ERC2: variants seen among roughly 807,000 people sequenced by gnomAD.
ERC2 encodes the protein ERC protein 2.
A neutral mutation model predicts 114.8 loss-of-function variants in ERC2; 42 were observed. The ratio of observed to expected loss-of-function variants is 0.37; its 90% CI spans 0.29 to 0.47. ERC2 has a LOEUF of 0.47. Ranked by LOEUF, ERC2 falls within the 20% of genes least tolerant of loss-of-function variation. ERC2 has a pLI of 0.99. For synonymous variants in ERC2, 454 were observed against 425.5 expected (o/e 1.07, Z -0.82); for missense variants, 939 against 1,150.7 (o/e 0.82, Z 2.66).
intron 12 of ERC2, among the ~76,000 whole-genome samples, chr3:55,952,178 CACTCTCTCTCTCTCTCTCTCTATA>C (rs1329147690): frequency 2.4e-5 from 1 of 41,722 alleles, no homozygotes; most frequent in African/African-American, 6.8e-5. Flanking sequence ...CACACACACA[CACTCTCTCTCTCTCTCTCTCTATA>C]TATATATATA....
chr3:55,895,790 A>G (rs1045891778), intron 13 of ERC2, among the ~76,000 whole-genome samples: 4 of 152,182 alleles, frequency 2.6e-5, no homozygotes, highest in African/African-American at 9.6e-5. Context: ...GATGAAGTGT[A>G]AGTCCAAACT....
chr3:55,899,149 G>C (rs936502810), intron 13 of ERC2, among the ~76,000 whole-genome samples: 2 of 152,168 alleles, frequency 1.3e-5, no homozygotes, highest in African/African-American at 2.4e-5. Flanking sequence ...GTTGTCCAAT[G>C]GTGATGTTCA....
At chr3:56,450,663 C>T (rs1449773901) in intron 1 of ERC2, among the ~76,000 whole-genome samples, 1 of 151,924 alleles carries the variant, frequency 6.6e-6, no homozygotes, top group African/African-American at 2.4e-5. Context: ...CCCATCTCTA[C>T]AAAAAATTCA....
At chr3:55,514,661 C>A (rs1371408873) in intron 17 of ERC2, among the ~76,000 whole-genome samples, 2 of 152,134 alleles carry the variant, frequency 1.3e-5, no homozygotes, top group Non-Finnish European at 2.9e-5. Flanking sequence ...TGACTGTCAG[C>A]AAGGGAACAG....
At chr3:55,786,067 CA>C in intron 14 of ERC2, among the ~76,000 whole-genome samples, 1 of 151,982 alleles carries the variant, frequency 6.6e-6, no homozygotes, top group Middle Eastern at 3.4e-3. Flanking sequence ...GATTTTTTTT[CA>C]ATTCGTCATT....
intron 10 of ERC2, 85 bp downstream of exon 10, chr3:56,007,096 T>C (rs1276549920): frequency 7.8e-7 from 1 of 1,279,874 alleles, no homozygotes; most frequent in Non-Finnish European, 1.1e-6. Context: ...AAGGGGTTTG[T>C]TTCTTTTTAA....
intron 6 of ERC2, among the ~76,000 whole-genome samples, chr3:56,131,114 A>G (rs576979859): frequency 6.6e-4 from 100 of 152,318 alleles, no homozygotes; most frequent in African/African-American, 2.3e-3. Context: ...ATGGTTCCCA[A>G]CATTTTTTTT....
intron 14 of ERC2, among the ~76,000 whole-genome samples, chr3:55,748,382 C>A (rs2066442389): frequency 6.6e-6 from 1 of 152,150 alleles, no homozygotes; most frequent in African/African-American, 2.4e-5. Flanking sequence ...GTACCACGTA[C>A]CAGGGATGAA....
intron 7 of ERC2, among the ~76,000 whole-genome samples, chr3:56,075,780 A>G (rs2076941070): frequency 6.6e-6 from 1 of 152,212 alleles, no homozygotes; most frequent in African/African-American, 2.4e-5. Flanking sequence ...AGGTTTGCCA[A>G]TAATAAGTAT....
At chr3:55,848,842 T>C (rs1338575039) in intron 14 of ERC2, among the ~76,000 whole-genome samples, 1 of 152,162 alleles carries the variant, frequency 6.6e-6, no homozygotes, top group Non-Finnish European at 1.5e-5. Flanking sequence ...CAAAAAACAA[T>C]CACCTTTCTT....
chr3:55,974,478 C>T (rs553658838), intron 12 of ERC2, among the ~76,000 whole-genome samples: 12 of 152,302 alleles, frequency 7.9e-5, no homozygotes, highest in East Asian at 3.9e-4. Context: ...GATGCTGCTG[C>T]GGTTCTCTAA....
At chr3:56,331,439 C>T (rs1429384988) in intron 2 of ERC2, among the ~76,000 whole-genome samples, 1 of 152,134 alleles carries the variant, frequency 6.6e-6, no homozygotes. Flanking sequence ...CATTACAATA[C>T]CCTTATTGCA....
At position 56,163,623 on chromosome 3, in the gene ERC2, C is replaced by T. The variant is rs545311352; in HGVS notation, c.1149+9823G>A. ...ATCATTATGTAATGCCTTTCTTTGTCCTTTTTAACTGTTGTTGGTTTTAAA... is the reference window on the plus strand; with the variant it reads ...ATCATTATGTAATGCCTTTCTTTGTTCTTTTTAACTGTTGTTGGTTTTAAA... On this transcript the variant is annotated intron_variant, in intron 4 of 17. Transcript: ENST00000288221. Among the ~76,000 whole-genome samples the T allele has an allele frequency of 5.3e-5, 8 of 152,108 alleles. No individual in the cohort carries two copies. In the South Asian group the frequency reaches 1.5e-3, roughly 28 times the overall value.
intron 17 of ERC2, among the ~76,000 whole-genome samples, chr3:55,590,130 T>C (rs909732958): frequency 1.3e-5 from 2 of 152,156 alleles, no homozygotes; most frequent in East Asian, 1.9e-4. Flanking sequence ...TGGGCAATTG[T>C]AGGATAACGA....
intron 12 of ERC2, among the ~76,000 whole-genome samples, chr3:55,980,442 T>C (rs1214560120): frequency 6.6e-6 from 1 of 152,194 alleles, no homozygotes; most frequent in Non-Finnish European, 1.5e-5. Context: ...TCACCCAATA[T>C]GGAAGAAAGT....
intron 3 of ERC2, among the ~76,000 whole-genome samples, chr3:56,224,674 A>C (rs1436265822): frequency 2.0e-5 from 3 of 152,204 alleles, no homozygotes; most frequent in Non-Finnish European, 4.4e-5. Context: ...AAAAACACCC[A>C]CACACGGGTT....
chr3:55,807,049 T>C (rs1435236214), intron 14 of ERC2, among the ~76,000 whole-genome samples: 6 of 152,100 alleles, frequency 3.9e-5, no homozygotes, highest in African/African-American at 1.4e-4. Context: ...CCAAGAAGGA[T>C]CATCTACCCT....
At chr3:55,547,022 C>A (rs1221683006) in intron 17 of ERC2, among the ~76,000 whole-genome samples, 1 of 152,272 alleles carries the variant, frequency 6.6e-6, no homozygotes, top group African/African-American at 2.4e-5. Flanking sequence ...GACAACTTCT[C>A]AACATCTCTG....
At chr3:55,876,896 G>T (rs972831053) in intron 14 of ERC2, among the ~76,000 whole-genome samples, 1 of 152,282 alleles carries the variant, frequency 6.6e-6, no homozygotes, top group Non-Finnish European at 1.5e-5. Context: ...AAGCAAGCTA[G>T]AATCAAGAGG....
Sources: allele counts gnomAD v4.1 joint callset (sites outside exome capture counted in the v4.1 genomes callset), GRCh38; gene constraint gnomAD v4.1.1; transcripts MANE v1.5; gene names NCBI Gene and HGNC (gene_info 2026-07-23, HGNC 2026-07-21).